The following DRC8 variants were observed in gnomAD, a reference collection of about 807,000 sequenced individuals.
DRC8 encodes the protein dynein regulatory complex protein 8.
the DRC8 span, among the ~76,000 whole-genome samples, chr1:245,026,378 T>C: frequency 6.6e-6 from 1 of 152,216 alleles, no homozygotes; most frequent in Non-Finnish European, 1.5e-5. Context: ...ACCATAAATA[T>C]TACTTTTACT....
At chr1:245,085,056 G>C in the DRC8 span, among the ~76,000 whole-genome samples, 2 of 152,218 alleles carry the variant, frequency 1.3e-5, no homozygotes, top group Non-Finnish European at 2.9e-5. Context: ...CAAACAGTTA[G>C]ATTTTCCTAC....
chr1:245,043,420 G>A, the DRC8 span, among the ~76,000 whole-genome samples: 11 of 150,986 alleles, frequency 7.3e-5, no homozygotes, highest in Admixed American at 2.0e-4. Flanking sequence ...GCGACAGAGC[G>A]AGACTCTGTC....
At chr1:244,984,217 C>T in the DRC8 span, among the ~76,000 whole-genome samples, 1 of 152,052 alleles carries the variant, frequency 6.6e-6, no homozygotes, top group Non-Finnish European at 1.5e-5. Flanking sequence ...CTGTGAGTAC[C>T]TTGTGATCCT....
the DRC8 span, among the ~76,000 whole-genome samples, chr1:245,027,297 C>T: frequency 2.0e-5 from 3 of 151,708 alleles, no homozygotes; most frequent in Non-Finnish European, 4.4e-5. Flanking sequence ...CTTTCTATCC[C>T]TGTGTAATAA....
the DRC8 span, among the ~76,000 whole-genome samples, chr1:245,120,939 A>T: frequency 6.6e-6 from 1 of 152,260 alleles, no homozygotes; most frequent in Non-Finnish European, 1.5e-5. Flanking sequence ...AAGACCGGAC[A>T]GTGGAGGTGT....
chr1:245,081,912 T>G, the DRC8 span, among the ~76,000 whole-genome samples: 1 of 152,354 alleles, frequency 6.6e-6, no homozygotes, highest in East Asian at 1.9e-4. Context: ...AGTTGAATGA[T>G]GAAGGTAAAT....
At chr1:244,998,520 A>G in the DRC8 span, among the ~76,000 whole-genome samples, 3 of 152,162 alleles carry the variant, frequency 2.0e-5, no homozygotes, top group Admixed American at 6.5e-5. Context: ...TCCCTTACAT[A>G]TATAATACCG....
chr1:245,085,983 A>G, the DRC8 span, among the ~76,000 whole-genome samples: 1 of 152,218 alleles, frequency 6.6e-6, no homozygotes, highest in Non-Finnish European at 1.5e-5. Flanking sequence ...TGGTAATGAG[A>G]CTGACTCAAA....
At chr1:245,015,893 C>G in the DRC8 span, among the ~76,000 whole-genome samples, 1 of 150,224 alleles carries the variant, frequency 6.7e-6, no homozygotes. Flanking sequence ...ACTGTGCTGC[C>G]TGGAAAAACC....
At chr1:245,011,580 T>C in the DRC8 span, among the ~76,000 whole-genome samples, 2 of 152,224 alleles carry the variant, frequency 1.3e-5, no homozygotes, top group Non-Finnish European at 2.9e-5. Flanking sequence ...CCAAATGTTT[T>C]GGTTTTGGAG....
chr1:245,033,709 T>A, the DRC8 span, among the ~76,000 whole-genome samples: 4 of 152,092 alleles, frequency 2.6e-5, no homozygotes, highest in African/African-American at 9.7e-5. Context: ...TCTCTCTTCC[T>A]TTCCTTTCCT....
chr1:245,085,129 T>C, the DRC8 span, among the ~76,000 whole-genome samples: 1 of 152,238 alleles, frequency 6.6e-6, no homozygotes, highest in African/African-American at 2.4e-5. Context: ...GATACTTAAA[T>C]CTACTTCCTC....
At chr1:245,032,640 T>G in the DRC8 span, among the ~76,000 whole-genome samples, 1 of 152,238 alleles carries the variant, frequency 6.6e-6, no homozygotes, top group Admixed American at 6.5e-5. Context: ...ATTTGAGTTC[T>G]GTAACGCATA....
chr1:245,029,315 T>C, the DRC8 span, among the ~76,000 whole-genome samples: 5 of 152,214 alleles, frequency 3.3e-5, no homozygotes, highest in African/African-American at 9.6e-5. Flanking sequence ...TTTTTGTTTT[T>C]GAGATGGAGC....
At chr1:245,070,723 T>G in the DRC8 span, among the ~76,000 whole-genome samples, 2 of 152,342 alleles carry the variant, frequency 1.3e-5, no homozygotes, top group South Asian at 4.1e-4. Context: ...CAGTAAAACT[T>G]AATTGCCATG....
At chr1:245,079,529 G>A in the DRC8 span, among the ~76,000 whole-genome samples, 5 of 152,268 alleles carry the variant, frequency 3.3e-5, no homozygotes, top group South Asian at 4.1e-4. Flanking sequence ...CCGGGGAAGC[G>A]ATATGAGGCG....
At chr1:244,983,671 C>T in the DRC8 span, among the ~76,000 whole-genome samples, 7 of 136,002 alleles carry the variant, frequency 5.1e-5, no homozygotes, top group South Asian at 2.5e-4. Flanking sequence ...ACTCAGGAGG[C>T]GGAGGTTGCA....
the DRC8 span, among the ~76,000 whole-genome samples, chr1:244,975,360 G>A: frequency 6.6e-6 from 1 of 152,154 alleles, no homozygotes; most frequent in Non-Finnish European, 1.5e-5. Context: ...ACAGTACAAA[G>A]GTTGAGCTTT....
At chr1:244,978,162 TA>T in the DRC8 span, among the ~76,000 whole-genome samples, 15 of 152,194 alleles carry the variant, frequency 9.9e-5, no homozygotes, top group African/African-American at 3.6e-4. Context: ...ATTAAGACTG[TA>T]AAAAAGTAAT....
Sources: allele counts gnomAD v4.1 joint callset (sites outside exome capture counted in the v4.1 genomes callset), GRCh38; gene constraint gnomAD v4.1.1; transcripts MANE v1.5; gene names NCBI Gene and HGNC (gene_info 2026-07-23, HGNC 2026-07-21).